Variants in DDX60 observed in about 807,000 individuals in gnomAD.
DDX60 encodes probable ATP-dependent RNA helicase DDX60.
Under a neutral mutation model 212.8 loss-of-function variants are expected in DDX60, and 165 were observed. That is an observed-to-expected ratio of 0.78 (90% CI 0.68 to 0.88). The LOEUF (loss-of-function observed/expected upper bound fraction) is 0.88, where lower values mean the gene tolerates loss of function less well. DDX60 is among the 40% of genes least tolerant of loss of function. The pLI, the probability that DDX60 is intolerant of heterozygous loss-of-function variation, is 0.00. For synonymous variants in DDX60, 703 were observed against 685.3 expected (o/e 1.03, Z -0.40); for missense variants, 1,905 against 2,003.9 (o/e 0.95, Z 0.94).
chr4:168,234,546 T>C (rs1733566255), intron 33 of DDX60, among the ~76,000 whole-genome samples: 1 of 152,122 alleles, frequency 6.6e-6, no homozygotes, highest in South Asian at 2.1e-4. Context: ...AATTATCTAG[T>C]AAAAATATCC....
At chr4:168,313,859 T>G (rs1008926965) in intron 1 of DDX60, among the ~76,000 whole-genome samples, 2 of 152,168 alleles carry the variant, frequency 1.3e-5, no homozygotes, top group African/African-American at 4.8e-5. Flanking sequence ...TATACATAGA[T>G]TAAAAGGAAT....
At chr4:168,285,804 G>A (rs1365228872) in intron 10 of DDX60, among the ~76,000 whole-genome samples, 1 of 151,124 alleles carries the variant, frequency 6.6e-6, no homozygotes, top group Admixed American at 6.6e-5. Context: ...TGTATGCATG[G>A]ATGGGTGGAT....
upstream of DDX60, among the ~76,000 whole-genome samples, chr4:168,323,101 C>T (rs1737637856): frequency 1.3e-5 from 2 of 152,164 alleles, no homozygotes; most frequent in South Asian, 2.1e-4. Flanking sequence ...TCAAAGCAGC[C>T]TCAACTTTCA....
chr4:168,304,445 A>G (rs1289501994), intron 5 of DDX60, among the ~76,000 whole-genome samples: 1 of 152,216 alleles, frequency 6.6e-6, no homozygotes, highest in African/African-American at 2.4e-5. Flanking sequence ...TCACACTTGT[A>G]ATCTCAGCAT....
intron 3 of DDX60, among the ~76,000 whole-genome samples, chr4:168,309,547 G>A (rs1230410236): frequency 3.3e-5 from 5 of 152,034 alleles, no homozygotes; most frequent in Admixed American, 3.3e-4. Flanking sequence ...TTTTATGTGG[G>A]TGTGGGATTA....
chr4:168,255,874 A>C lies in DDX60; in HGVS notation c.3399-5T>G. 1 of 1,570,548 alleles carries C rather than the reference A, an allele frequency of 6.4e-7. No homozygotes were observed. The highest frequency in any genetic ancestry group is 1.2e-5 in the South Asian group (1 of 83,620). ...TCTACAGCTCCTAACTTGAATCTGG[A>C]AATAAAAAGAATGTGCGCCTTGAAA... On this transcript the variant is annotated splice_region_variant and splice_polypyrimidine_tract_variant and intron_variant, in intron 25 of 37. Coordinates refer to ENST00000393743, the MANE Select transcript of DDX60 (RefSeq NM_017631.6).
chr4:168,252,302 C>G (rs1370541208), intron 27 of DDX60, among the ~76,000 whole-genome samples: 1 of 152,176 alleles, frequency 6.6e-6, no homozygotes, highest in African/African-American at 2.4e-5. Flanking sequence ...CTCCATGAAC[C>G]CTGGCTTAGA....
At chr4:168,263,916 T>C (rs536141994) in intron 22 of DDX60, among the ~76,000 whole-genome samples, 1 of 152,356 alleles carries the variant, frequency 6.6e-6, no homozygotes, top group Admixed American at 6.5e-5. Context: ...CAAATAGGAT[T>C]CTTTGGGATT....
chr4:168,322,271 T>C (rs2149563622), upstream of DDX60, among the ~76,000 whole-genome samples: 1 of 152,310 alleles, frequency 6.6e-6, no homozygotes, highest in South Asian at 2.1e-4. Flanking sequence ...TCCCACCTTC[T>C]CTGTAAGGAT....
rs10023679 is a variant in DDX60 at position 168,306,305 on chromosome 4, A to G, written c.606+74T>C. 20,460 of 1,057,486 alleles carry G rather than the reference A, an allele frequency of 0.019. 2,477 individuals are homozygous for G. The African/African-American group carries it at 0.28, about 14-fold the overall frequency. 65.5% of individuals were successfully genotyped at this position (1,057,486 alleles called of 1,614,324 possible). A position where few individuals can be genotyped will look rare whatever the true frequency, so the allele number is the denominator to read the frequency against. On this transcript the variant is annotated intron_variant, in intron 5 of 37. Coordinates refer to ENST00000393743, the MANE Select transcript of DDX60 (RefSeq NM_017631.6). ...TCTGATAATTTCCTAGAGGAGGAGG[A>G]GAAAAAACTGAGTCAAGTAACTTAG...
At chr4:168,290,386 T>C (rs370483037) in intron 8 of DDX60, among the ~76,000 whole-genome samples, 1 of 150,204 alleles carries the variant, frequency 6.7e-6, no homozygotes, top group Non-Finnish European at 1.5e-5. Context: ...TGGAGTACAG[T>C]GGTGCGATCT....
rs758667845 is a variant in DDX60, at chr4:168,284,944, C to CA, written c.1446-10dup. On this transcript the variant is annotated splice_polypyrimidine_tract_variant and intron_variant, in intron 11 of 37. Transcript: ENST00000393743. ...TAACAATAGGATCATCACTGTGAGACAAAAAAAGGCATATTTTAAATTGCA... is the reference window on the plus strand; with the variant it reads ...TAACAATAGGATCATCACTGTGAGACAAAAAAAAGGCATATTTTAAATTGCA... 8.5e-5 allele frequency: 114 copies of CA among 1,343,362 alleles called. No individual in the cohort carries two copies. The highest frequency in any genetic ancestry group is 1.1e-4 in the Non-Finnish European group (106 of 961,726). The allele number at this position is 1,343,362 out of a possible 1,614,324, so 83.2% of individuals were successfully genotyped here.
In DDX60 at chr4:168,276,052, C is replaced by G. The variant is rs1735320892; in HGVS notation, c.2108G>C (p.Gly703Ala). 2 of 1,612,906 alleles carry G rather than the reference C, an allele frequency of 1.2e-6. No individual in the cohort carries two copies. The highest frequency in any genetic ancestry group is 8.5e-7 in the Non-Finnish European group (1 of 1,179,436). The change falls in exon 15 of 38, where the codon GGA (glycine) becomes GCA (alanine). Residue 703 changes from glycine to alanine, a missense_variant. Transcript: ENST00000393743. ...QLIARCLKYL[G>A]FDELASSLHP... The stretch of plus-strand genomic sequence containing the variant: ...TAAAGAACTTGCCAACTCATCAAAT[C>G]CTAAATACTTAAGGCATCTGGCTAT...
At position 168,318,747 on chromosome 4, in the gene DDX60, C is replaced by G. The variant is rs1737520835; in HGVS notation, c.-232G>C. ...AGGTTACCCCAGACCTGGCCTAGGACTCGGCGCTCTGAGCCACCGCAGCCA... is the reference window on the plus strand; with the variant it reads ...AGGTTACCCCAGACCTGGCCTAGGAGTCGGCGCTCTGAGCCACCGCAGCCA... On this transcript the variant is annotated 5_prime_UTR_variant, in exon 1 of 38. Coordinates refer to ENST00000393743, the MANE Select transcript of DDX60 (RefSeq NM_017631.6). The G allele has an allele frequency of 6.6e-6, 1 of 152,270 alleles. No homozygotes were observed. The highest frequency in any genetic ancestry group is 1.5e-5 in the Non-Finnish European group (1 of 68,062). The allele number at this position is 152,270 out of a possible 1,614,324, so 9.4% of individuals were successfully genotyped here.
At chr4:168,283,130 A>C (rs72693160) in intron 13 of DDX60, among the ~76,000 whole-genome samples, 4,659 of 152,268 alleles carry the variant, frequency 0.031, 100 homozygotes, top group Non-Finnish European at 0.048. Flanking sequence ...TATATGAAAA[A>C]GATTTTCACT....
chr4:168,249,436 C>A (rs908919718), intron 28 of DDX60, among the ~76,000 whole-genome samples: 1 of 151,956 alleles, frequency 6.6e-6, no homozygotes, highest in African/African-American at 2.4e-5. Flanking sequence ...TATATATCTG[C>A]GAAAATGCAA....
Position 168,276,128 on chromosome 4 carries a change from A to T in DDX60, c.2032T>A (p.Ser678Thr), listed in dbSNP as rs895084986. The T allele has an allele frequency of 6.2e-7, 1 of 1,613,404 alleles. No individual in the cohort carries two copies. The highest frequency in any genetic ancestry group is 8.5e-7 in the Non-Finnish European group (1 of 1,179,672). The change falls in exon 15 of 38, where the codon TCC (serine) becomes ACC (threonine). Residue 678 changes from serine (S) to threonine (T), a missense_variant. Ser to Thr is a moderately conservative substitution (Grantham distance 58). Transcript: ENST00000393743. ...IAVQVMKRIH[S>T]LMEKYSELLQ... is the part of the protein sequence containing the mutation. ...AGTTCTGAGTATTTTTCCATCAAGG[A>T]GTGGATCCTTTTCATCACCTGAACA... is the stretch of plus-strand genomic sequence containing the variant.
chr4:168,291,885 G>C lies in DDX60; in HGVS notation c.904C>G (p.Leu302Val). 1.2e-6 allele frequency: 2 copies of C among 1,611,600 alleles called. No homozygotes were observed. Among genetic ancestry groups the C allele is most frequent in the Non-Finnish European group, 1.7e-6 (2 of 1,179,120 alleles). Residue 302 changes from leucine (L) to valine (V), a missense_variant, in exon 8 of 38, where the codon CTG (leucine) becomes GTG (valine). Physicochemically the swap from Leu to Val is conservative, Grantham distance 32 (BLOSUM62 1). Transcript: ENST00000393743. ...IQQVNSNCLTLQEMEDLCKLH... is the reference protein window; with the variant it reads ...IQQVNSNCLTVQEMEDLCKLH... ...TTACACAAATCTTCCATCTCCTGCA[G>C]GGTTAAGCAATTACTGTTCACCTGA...
chr4:168,234,377 C>T (rs72971468), intron 33 of DDX60, among the ~76,000 whole-genome samples: 2,126 of 151,814 alleles, frequency 0.014, 45 homozygotes, highest in African/African-American at 0.045. Flanking sequence ...ATGTTTGTTA[C>T]GCTGTCTGAT....
Sources: gnomAD v4.1 joint callset for allele counts (sites outside exome capture counted in the v4.1 genomes callset) on GRCh38, gnomAD v4.1.1 for gene constraint, MANE v1.5 for transcripts, NCBI Gene and HGNC (gene_info 2026-07-23, HGNC 2026-07-21) for gene names.